PLEKHA7: variants seen among roughly 807,000 people sequenced by gnomAD.
PLEKHA7 encodes pleckstrin homology domain containing A7.
PLEKHA7 carries 104 observed loss-of-function variants against 170.0 expected under a neutral mutation model. The ratio of observed to expected loss-of-function variants is 0.61; its 90% CI spans 0.52 to 0.72. PLEKHA7 has a LOEUF of 0.72. PLEKHA7 is among the 30% of genes least tolerant of loss of function. The probability of loss-of-function intolerance (pLI) is 0.00; values close to 1 mark genes in which losing one functional copy is unlikely to be tolerated. For missense variants in PLEKHA7, 1,615 were observed against 1,671.7 expected (o/e 0.97, Z 0.59); for synonymous variants, 648 against 660.8 (o/e 0.98, Z 0.30).
intron 3 of PLEKHA7, among the ~76,000 whole-genome samples, chr11:16,991,076 G>A (rs560481951): frequency 6.8e-4 from 104 of 152,216 alleles, no homozygotes; most frequent in East Asian, 3.3e-3. Flanking sequence ...CAAGGATGCC[G>A]GTGGTTCCCA....
chr11:16,862,299 C>A (rs1277520475), intron 4 of PLEKHA7, among the ~76,000 whole-genome samples: 3 of 152,158 alleles, frequency 2.0e-5, no homozygotes, highest in African/African-American at 7.2e-5. Context: ...CCTCCCCATG[C>A]CTGTTCCCCA....
chr11:16,910,105 T>C (rs1009982527), intron 3 of PLEKHA7, among the ~76,000 whole-genome samples: 1 of 152,226 alleles, frequency 6.6e-6, no homozygotes, highest in African/African-American at 2.4e-5. Context: ...TTCTGCACTT[T>C]TAAATTTGAG....
At chr11:16,800,895 C>A in intron 17 of PLEKHA7, 79 bp downstream of exon 17, 1 of 1,224,904 alleles carries the variant, frequency 8.2e-7, no homozygotes, top group Non-Finnish European at 1.2e-6. Flanking sequence ...ACAACCCCCA[C>A]AGGTGAAGTC....
At chr11:16,895,836 A>G (rs1211265632) in intron 3 of PLEKHA7, among the ~76,000 whole-genome samples, 2 of 152,154 alleles carry the variant, frequency 1.3e-5, no homozygotes, top group East Asian at 1.9e-4. Context: ...GGCAAAATCT[A>G]CTTCTCCTTA....
chr11:16,807,204 C>T (rs1342118306), intron 13 of PLEKHA7: 1 of 985,076 alleles, frequency 1.0e-6, no homozygotes, highest in Non-Finnish European at 1.2e-6. Flanking sequence ...GCACGTTGAT[C>T]AAAGGTTCAT....
intron 3 of PLEKHA7, among the ~76,000 whole-genome samples, chr11:16,896,789 A>C (rs1005330375): frequency 6.6e-6 from 1 of 152,190 alleles, no homozygotes; most frequent in African/African-American, 2.4e-5. Context: ...CCCCACATGG[A>C]TACCCAGGCT....
chr11:16,988,980 G>A (rs749216455), intron 3 of PLEKHA7, among the ~76,000 whole-genome samples: 3 of 152,130 alleles, frequency 2.0e-5, no homozygotes, highest in Non-Finnish European at 2.9e-5. Context: ...GGGAGACAAG[G>A]TTTCCAGTGC....
rs533856396 is a variant in PLEKHA7 at position 16,951,541 on chromosome 11, A to G, written c.221+62448T>C. ...CAAATACGGAGGCCCAGAGATGATA[A>G]GTAAAAGAACTCAGATACAAACCCA... On this transcript the variant is annotated intron_variant, in intron 3 of 26. Transcript: ENST00000531066. Among the ~76,000 whole-genome samples, 18 of 152,302 alleles carry G rather than the reference A, an allele frequency of 1.2e-4. No homozygotes were observed. In the South Asian group the frequency reaches 3.7e-3, roughly 32 times the overall value.
At chr11:16,902,558 C>T (rs1264112148) in intron 3 of PLEKHA7, among the ~76,000 whole-genome samples, 1 of 152,156 alleles carries the variant, frequency 6.6e-6, no homozygotes, top group Non-Finnish European at 1.5e-5. Flanking sequence ...AGTAGTATTT[C>T]ATTACGGTTT....
chr11:16,829,724 G>A (rs1850952805), intron 9 of PLEKHA7, among the ~76,000 whole-genome samples: 1 of 152,170 alleles, frequency 6.6e-6, no homozygotes, highest in Admixed American at 6.5e-5. Context: ...TGCAGTAGCT[G>A]AGATTGCACC....
In PLEKHA7 at chr11:16,777,308, T is replaced by A. The variant is rs1023957292; in HGVS notation, c.*1690A>T. ...AAACAGGAAACGTATCAGGTTAATA[T>A]TTTAATCTGTACATCACATTTTTTT... On this transcript the variant is annotated 3_prime_UTR_variant, in exon 27 of 27. Coordinates refer to ENST00000531066, the MANE Select transcript of PLEKHA7 (RefSeq NM_001329630.2). 2 of 152,230 alleles carry A rather than the reference T, an allele frequency of 1.3e-5. No individual in the cohort carries two copies. Among genetic ancestry groups the A allele is most frequent in the Non-Finnish European group, 2.9e-5 (2 of 68,040 alleles). The allele number at this position is 152,230 out of a possible 1,614,324, so 9.4% of individuals were successfully genotyped here.
chr11:16,789,719 C>A lies in PLEKHA7; in HGVS notation c.3156+56G>T, dbSNP rs1847699458. On this transcript the variant is annotated intron_variant, in intron 22 of 26. Transcript: ENST00000531066. This position sits in a 1 kb window ranked among gnomAD's most constrained non-coding sequence, Gnocchi z 4.6. ...GGCCAGTTACTGTCCCCCTGGGAGA[C>A]CCTCCCTCCCCATGTGAAGGAGCAG... The A allele has an allele frequency of 1.4e-6, 2 of 1,466,444 alleles. No individual in the cohort carries two copies. The highest frequency in any genetic ancestry group is 1.8e-5 in the Admixed American group (1 of 56,898). The allele number at this position is 1,466,444 out of a possible 1,614,324, so 90.8% of individuals were successfully genotyped here.
chr11:16,853,658 G>A (rs1237928023), intron 6 of PLEKHA7, among the ~76,000 whole-genome samples: 1 of 152,162 alleles, frequency 6.6e-6, no homozygotes. Flanking sequence ...TTTGTTTAAT[G>A]GGGACAGGGA....
rs1850627821 is a variant in PLEKHA7, at chr11:16,826,206, C to T, written c.1257G>A (p.Arg419=). ...TTTGGCTGTGTTTTTCAGGGTTGGTCCTGGGAGGAAAGGCCCGCTGGTACC... is the reference window on the plus strand; with the variant it reads ...TTTGGCTGTGTTTTTCAGGGTTGGTTCTGGGAGGAAAGGCCCGCTGGTACC... ...TGGYQRAFPP[R]TNPEKHSQRK... is the part of the protein sequence containing the mutation. The change falls in exon 10 of 27, where the codon AGG becomes AGA. Residue 419 remains arginine, a synonymous_variant. Transcript: ENST00000531066. The T allele has an allele frequency of 2.5e-6, 4 of 1,614,176 alleles. No homozygotes were observed. Among genetic ancestry groups the T allele is most frequent in the Non-Finnish European group, 3.4e-6 (4 of 1,180,022 alleles).
At chr11:16,873,542 T>A (rs147340919) in intron 3 of PLEKHA7, among the ~76,000 whole-genome samples, 32 of 152,238 alleles carry the variant, frequency 2.1e-4, no homozygotes, top group Middle Eastern at 3.4e-3. Context: ...AGACTAGTCT[T>A]CCCAAAAAAG....
intron 10 of PLEKHA7, among the ~76,000 whole-genome samples, chr11:16,823,005 A>ATTTT (rs34535836): frequency 9.2e-5 from 14 of 151,694 alleles, no homozygotes; most frequent in Non-Finnish European, 1.2e-4. Flanking sequence ...TTATTTATTT[A>ATTTT]TTTTTTGGAG....
At chr11:16,844,662 G>C (rs1852240177) in intron 8 of PLEKHA7, among the ~76,000 whole-genome samples, 1 of 152,204 alleles carries the variant, frequency 6.6e-6, no homozygotes. Flanking sequence ...GGATGTGAAT[G>C]AAGAACTTAC....
chr11:16,972,148 G>A (rs905250578), intron 3 of PLEKHA7, among the ~76,000 whole-genome samples: 8 of 151,788 alleles, frequency 5.3e-5, no homozygotes, highest in Non-Finnish European at 1.2e-4. Context: ...TTTGAGATGG[G>A]GTCTCACTCT....
chr11:16,904,701 C>A (rs1857544255), intron 3 of PLEKHA7, among the ~76,000 whole-genome samples: 1 of 152,048 alleles, frequency 6.6e-6, no homozygotes, highest in Non-Finnish European at 1.5e-5. Context: ...AATATGCCAC[C>A]ACTGTTACTA....
Sources: allele counts gnomAD v4.1 joint callset (sites outside exome capture counted in the v4.1 genomes callset), GRCh38; gene constraint gnomAD v4.1.1; non-coding constraint Gnocchi (gnomAD v3.1); transcripts MANE v1.5; gene names NCBI Gene and HGNC (gene_info 2026-07-23, HGNC 2026-07-21).